The following DCC variants were observed in gnomAD, a reference collection of about 807,000 sequenced individuals.
The protein encoded by DCC is netrin receptor DCC.
In DCC, 58 loss-of-function variants were observed where a neutral mutation model predicts 172.5. The ratio of observed to expected loss-of-function variants is 0.34; its 90% CI spans 0.27 to 0.42. DCC has a LOEUF of 0.42. Ranked by LOEUF, DCC falls within the 10% of genes least tolerant of loss-of-function variation. The pLI is 1.00. For synonymous variants in DCC, 709 were observed against 644.5 expected (o/e 1.10, Z -1.52); for missense variants, 1,740 against 1,791.0 (o/e 0.97, Z 0.51).
chr18:52,421,787 G>T (rs562859248), intron 1 of DCC, among the ~76,000 whole-genome samples: 48 of 152,236 alleles, frequency 3.2e-4, no homozygotes, highest in East Asian at 9.7e-4. Flanking sequence ...AATGTTTTTT[G>T]TTGTTGTTGT....
intron 2 of DCC, among the ~76,000 whole-genome samples, chr18:52,848,889 A>G (rs2145335459): frequency 6.6e-6 from 1 of 152,336 alleles, no homozygotes; most frequent in East Asian, 1.9e-4. Flanking sequence ...CACATTCAGC[A>G]ACTTCTTTAT....
chr18:53,012,650 A>G (rs1449975896), intron 5 of DCC, among the ~76,000 whole-genome samples: 1 of 152,106 alleles, frequency 6.6e-6, no homozygotes, highest in African/African-American at 2.4e-5. Context: ...TACAGTTAAG[A>G]TTTATAGATT....
At chr18:53,358,969 T>C (rs1164171251) in intron 15 of DCC, among the ~76,000 whole-genome samples, 1 of 152,190 alleles carries the variant, frequency 6.6e-6, no homozygotes, top group Non-Finnish European at 1.5e-5. Context: ...GGTATGAGGT[T>C]GTTAGAAGAT....
chr18:53,322,269 A>G (rs1568055700), intron 14 of DCC, 112 bp downstream of exon 14: 10 of 711,082 alleles, frequency 1.4e-5, no homozygotes, highest in East Asian at 8.0e-5. Flanking sequence ...GATTCTTACT[A>G]TATGTTCACA....
At chr18:52,406,220 G>T (rs1392203459) in intron 1 of DCC, among the ~76,000 whole-genome samples, 3 of 151,146 alleles carry the variant, frequency 2.0e-5, no homozygotes, top group East Asian at 1.9e-4. Context: ...ATAAAAACCA[G>T]AGAAGAAAAC....
intron 2 of DCC, among the ~76,000 whole-genome samples, chr18:52,885,250 A>G (rs986471987): frequency 1.3e-5 from 2 of 152,096 alleles, no homozygotes; most frequent in Non-Finnish European, 2.9e-5. Flanking sequence ...CAGAGTGGCA[A>G]CTTCCCTCAG....
intron 2 of DCC, among the ~76,000 whole-genome samples, chr18:52,898,379 G>T (rs1054841724): frequency 6.6e-6 from 1 of 152,210 alleles, no homozygotes; most frequent in Non-Finnish European, 1.5e-5. Flanking sequence ...CTGGGGGTGT[G>T]TGGGTGGAGG....
chr18:53,114,251 C>G (rs1013682199), intron 7 of DCC, among the ~76,000 whole-genome samples: 1 of 98,030 alleles, frequency 1.0e-5, no homozygotes, highest in African/African-American at 5.6e-5. Context: ...TTAATGAACA[C>G]CCCCCCCACC....
intron 13 of DCC, among the ~76,000 whole-genome samples, chr18:53,312,918 AG>A (rs2057293167): frequency 3.2e-5 from 1 of 30,988 alleles, no homozygotes; most frequent in African/African-American, 7.7e-5. Flanking sequence ...AGGGAAAGGG[AG>A]GGGAGGGGAG....
rs541867700 is a variant in DCC at position 53,245,945 on chromosome 18, G to A, written c.1911+30348G>A. ...GCCTCTCAGAGTGACTCCAGGAGTT[G>A]GCTGAGCATTTTGGATACCTTCACA... On this transcript the variant is annotated intron_variant, in intron 12 of 28. Coordinates refer to ENST00000442544, the MANE Select transcript of DCC (RefSeq NM_005215.4). 2.4e-4 allele frequency among the ~76,000 whole-genome samples: 36 copies of A among 152,130 alleles called. 1 individual carries two copies. In the South Asian group the frequency reaches 5.8e-3, roughly 25 times the overall value.
At chr18:53,078,691 T>C (rs931113528) in intron 7 of DCC, among the ~76,000 whole-genome samples, 3 of 152,154 alleles carry the variant, frequency 2.0e-5, no homozygotes, top group African/African-American at 4.8e-5. Flanking sequence ...TCAGCCTAAA[T>C]AGTATAGGCA....
At chr18:52,658,852 A>C (rs2035304622) in intron 1 of DCC, among the ~76,000 whole-genome samples, 1 of 152,148 alleles carries the variant, frequency 6.6e-6, no homozygotes, top group Non-Finnish European at 1.5e-5. Flanking sequence ...TTTCATGTGA[A>C]GTTTACAGTC....
chr18:53,160,926 G>A (rs974897396), intron 8 of DCC, among the ~76,000 whole-genome samples: 14 of 151,994 alleles, frequency 9.2e-5, no homozygotes, highest in Non-Finnish European at 1.9e-4. Context: ...TCTTTAAAGC[G>A]AAACTTTCAC....
At chr18:52,784,971 C>T (rs187897157) in intron 2 of DCC, among the ~76,000 whole-genome samples, 82 of 149,170 alleles carry the variant, frequency 5.5e-4, no homozygotes, top group Non-Finnish European at 1.1e-3. Context: ...GAGACATGTC[C>T]AAAAAAGTGG....
chr18:52,791,561 G>A (rs2037772585), intron 2 of DCC, among the ~76,000 whole-genome samples: 1 of 151,956 alleles, frequency 6.6e-6, no homozygotes, highest in South Asian at 2.1e-4. Context: ...TAGAACCAGA[G>A]GAACTAAGCC....
intron 2 of DCC, among the ~76,000 whole-genome samples, chr18:52,875,649 G>A (rs777993331): frequency 2.0e-5 from 3 of 152,218 alleles, no homozygotes; most frequent in Non-Finnish European, 4.4e-5. Flanking sequence ...TAGTAGTAAA[G>A]AATTCATAAC....
intron 1 of DCC, among the ~76,000 whole-genome samples, chr18:52,395,017 G>T (rs1222555294): frequency 6.6e-6 from 1 of 151,926 alleles, no homozygotes; most frequent in Non-Finnish European, 1.5e-5. Flanking sequence ...AAATAAACGG[G>T]GAAATGGGAG....
intron 25 of DCC, among the ~76,000 whole-genome samples, chr18:53,470,622 ATGAC>A (rs2045683306): frequency 6.6e-6 from 1 of 152,196 alleles, no homozygotes; most frequent in African/African-American, 2.4e-5. Flanking sequence ...GGAGGTTTAA[ATGAC>A]TGACAGTTCT....
chr18:52,668,181 A>G (rs952143806), intron 1 of DCC, among the ~76,000 whole-genome samples: 2 of 152,150 alleles, frequency 1.3e-5, no homozygotes, highest in African/African-American at 4.8e-5. Context: ...TGTGTAGACA[A>G]TGGAAAAGAG....
Sources: gnomAD v4.1 joint callset for allele counts (sites outside exome capture counted in the v4.1 genomes callset) on GRCh38, gnomAD v4.1.1 for gene constraint, MANE v1.5 for transcripts, NCBI Gene and HGNC (gene_info 2026-07-23, HGNC 2026-07-21) for gene names.